GAS2L1: variants seen among roughly 807,000 people sequenced by gnomAD.
The protein encoded by GAS2L1 is GAS2-like protein 1.
GAS2L1 carries 26 observed loss-of-function variants against 44.0 expected under a neutral mutation model. The ratio of observed to expected loss-of-function variants is 0.59; its 90% CI spans 0.43 to 0.82. The LOEUF is 0.82. GAS2L1 is among the 40% of genes least tolerant of loss of function. The pLI, the probability that GAS2L1 is intolerant of heterozygous loss-of-function variation, is 0.00. For synonymous variants in GAS2L1, 426 were observed against 415.9 expected (o/e 1.02, Z -0.30); for missense variants, 1,006 against 983.0 (o/e 1.02, Z -0.31).
At chr22:29,311,314 T>C in intron 4 of GAS2L1, 148 bp from the exon 6 acceptor site, 1 of 587,912 alleles carries the variant, frequency 1.7e-6, no homozygotes, top group Non-Finnish European at 3.0e-6. Context: ...AGGAAGCTGC[T>C]CACTTCTCCC....
exon 5 of GAS2L1, chr22:29,312,038 C>T (rs1238611576): frequency 6.2e-7 from 1 of 1,612,500 alleles, no homozygotes; most frequent in Non-Finnish European, 8.5e-7. Flanking sequence ...TGGCCAATGC[C>T]CGGGCCCTTG....
intron 1 of GAS2L1, 115 bp downstream of exon 2, chr22:29,308,853 A>G (rs1192700003): frequency 1.3e-6 from 1 of 795,312 alleles, no homozygotes; most frequent in Non-Finnish European, 1.8e-6. Flanking sequence ...GCCCCACAAA[A>G]AGAGTGCACA....
rs1380455469 is a variant in GAS2L1 at position 29,308,146 on chromosome 22, A to G, written c.41A>G (p.Lys14Arg). 13 of 1,579,562 alleles carry G rather than the reference A, an allele frequency of 8.2e-6. No individual in the cohort carries two copies. Among genetic ancestry groups the G allele is most frequent in the Middle Eastern group, 3.5e-4 (2 of 5,786 alleles). Residue 14 changes from lysine to arginine, a missense_variant, in exon 1 of 5, where the codon AAG (lysine) becomes AGG (arginine). Coordinates refer to ENST00000618518, the Ensembl canonical transcript of GAS2L1. ...GCGGGCATCGCGGGCTCGGCGGCCA[A>G]GAGCGTGCGGCCATTTCGCTCCAGT...
exon 1 of GAS2L1, chr22:29,308,439 G>C: frequency 6.2e-7 from 1 of 1,605,172 alleles, no homozygotes; most frequent in Non-Finnish European, 8.5e-7. Context: ...CTGGTGCCGC[G>C]TGGAGCTGGG....
chr22:29,308,188 C>T (rs1416025991), exon 1 of GAS2L1: 1 of 1,607,696 alleles, frequency 6.2e-7, no homozygotes, highest in Non-Finnish European at 8.5e-7. Flanking sequence ...TACGTGGAGG[C>T]CATGAAGGAG....
In GAS2L1 at chr22:29,311,444, A is replaced by G; in HGVS notation, c.1011-18A>G. 4.0e-6 allele frequency: 4 copies of G among 1,000,008 alleles called. No homozygotes were observed. Among genetic ancestry groups the G allele is most frequent in the Non-Finnish European group, 5.9e-6 (4 of 679,498 alleles). The allele number at this position is 1,000,008 out of a possible 1,614,324, so 61.9% of individuals were successfully genotyped here. On this transcript the variant is annotated intron_variant, in intron 4 of 4. Coordinates refer to ENST00000618518, the Ensembl canonical transcript of GAS2L1. Reference sequence around the variant, plus strand: ...CTTCCGTGGTACCCCATCTGTCTCTATTGTCCCCCTGCCCCAGGCCCCGGG... The same window carrying G: ...CTTCCGTGGTACCCCATCTGTCTCTGTTGTCCCCCTGCCCCAGGCCCCGGG...
chr22:29,309,254 C>G (rs563337508), intron 1 of GAS2L1, among the ~76,000 whole-genome samples: 1 of 152,168 alleles, frequency 6.6e-6, no homozygotes, highest in Non-Finnish European at 1.5e-5. Flanking sequence ...CCAGGCACCC[C>G]TGGGAAGCCT....
exon 5 of GAS2L1, chr22:29,312,567 C>A: frequency 1.7e-6 from 2 of 1,197,730 alleles, no homozygotes; most frequent in Non-Finnish European, 2.3e-6. Flanking sequence ...CCTTCTGCAT[C>A]AGGGAGCCCC....
chr22:29,309,524 G>T (rs1227661049), intron 1 of GAS2L1, among the ~76,000 whole-genome samples: 1 of 152,234 alleles, frequency 6.6e-6, no homozygotes, highest in Non-Finnish European at 1.5e-5. Flanking sequence ...CTGGACCAGG[G>T]TCACTCAAGG....
intron 2 of GAS2L1, 21 bp downstream of exon 3, chr22:29,310,567 C>T (rs777542883): frequency 2.5e-6 from 4 of 1,581,044 alleles, no homozygotes; most frequent in Admixed American, 1.7e-5. Flanking sequence ...GGGGCCGCCC[C>T]AGCGGGCAGC....
At chr22:29,308,141 G>C in exon 1 of GAS2L1, 4 of 1,572,366 alleles carry the variant, frequency 2.5e-6, no homozygotes, top group Non-Finnish European at 3.5e-6. Context: ...CGGGCTCGGC[G>C]GCCAAGAGCG....
exon 1 of GAS2L1, chr22:29,308,679 G>A (rs1011521148): frequency 6.6e-7 from 1 of 1,516,804 alleles, no homozygotes; most frequent in Non-Finnish European, 8.8e-7. Context: ...CCCCGCACCA[G>A]GGACTCCTGC....
At chr22:29,312,428 C>A in exon 5 of GAS2L1, 1 of 1,545,838 alleles carries the variant, frequency 6.5e-7, no homozygotes, top group Non-Finnish European at 8.7e-7. Flanking sequence ...CCTCCGGACC[C>A]GCAGAGCTGG....
intron 1 of GAS2L1, 114 bp from the exon 3 acceptor site, chr22:29,310,325 G>A: frequency 1.5e-6 from 1 of 675,310 alleles, no homozygotes; most frequent in Non-Finnish European, 2.7e-6. Context: ...GGGCAACACT[G>A]CCTCCATCCA....
At chr22:29,311,035 G>T (rs779562868) in intron 4 of GAS2L1, 37 bp downstream of exon 5, 1 of 1,579,910 alleles carries the variant, frequency 6.3e-7, no homozygotes, top group Non-Finnish European at 8.6e-7. Flanking sequence ...GGGGTCCAGA[G>T]GGTGGGGGGG....
exon 1 of GAS2L1, chr22:29,308,009 C>G (rs2061365123): frequency 1.0e-6 from 1 of 967,510 alleles, no homozygotes; most frequent in Non-Finnish European, 1.4e-6. Context: ...CAGACTGGTG[C>G]AGGTGGCCAG....
In GAS2L1 at chr22:29,310,794, C is replaced by T. The variant is rs200876928; in HGVS notation, c.839-33C>T. 3.0e-4 allele frequency: 482 copies of T among 1,606,502 alleles called. No homozygotes were observed. The African/African-American group carries it at 4.3e-3, about 14-fold the overall frequency. On this transcript the variant is annotated intron_variant, in intron 3 of 4. Coordinates refer to ENST00000618518, the Ensembl canonical transcript of GAS2L1. Reference sequence around the variant, plus strand: ...AGGGGACTTGCTTCTGTGGCTCTGTCCCTCACATGCTGCCTGTCCTCTCTC... The same window carrying T: ...AGGGGACTTGCTTCTGTGGCTCTGTTCCTCACATGCTGCCTGTCCTCTCTC...
chr22:29,306,908 G>A (rs1357224502), upstream of GAS2L1: 2 of 152,138 alleles, frequency 1.3e-5, no homozygotes, highest in Non-Finnish European at 2.9e-5. Flanking sequence ...GGCGGGGGGA[G>A]ACCCCAGCTC....
At chr22:29,312,419 C>T in exon 5 of GAS2L1, 1 of 1,554,104 alleles carries the variant, frequency 6.4e-7, no homozygotes. Flanking sequence ...CCCGCCGCCC[C>T]TCCGGACCCG....
Sources: allele counts gnomAD v4.1 joint callset (sites outside exome capture counted in the v4.1 genomes callset), GRCh38; gene constraint gnomAD v4.1.1; transcripts MANE v1.5; gene names NCBI Gene and HGNC (gene_info 2026-07-23, HGNC 2026-07-21).